The following NELL2 variants were observed in gnomAD, a reference collection of about 807,000 sequenced individuals.
NELL2 encodes protein kinase C-binding protein NELL2.
Under a neutral mutation model 109.6 loss-of-function variants are expected in NELL2, and 41 were observed. The observed-to-expected ratio is 0.37, with a 90% CI of 0.29 to 0.49. The LOEUF is 0.49. NELL2 is among the 20% of genes least tolerant of loss of function. The pLI is 0.98. For missense variants in NELL2, 900 were observed against 1,008.3 expected (o/e 0.89, Z 1.45); for synonymous variants, 355 against 344.7 (o/e 1.03, Z -0.33).
chr12:44,860,359 T>C (rs1053986543), intron 2 of NELL2, among the ~76,000 whole-genome samples: 7 of 152,244 alleles, frequency 4.6e-5, no homozygotes, highest in African/African-American at 1.7e-4. Context: ...ATTAGTTTTC[T>C]ATTTCTGCTG....
At chr12:44,783,953 A>G (rs1375974724) in intron 3 of NELL2, among the ~76,000 whole-genome samples, 3 of 152,104 alleles carry the variant, frequency 2.0e-5, no homozygotes, top group African/African-American at 7.2e-5. Flanking sequence ...ATTCAGCAAT[A>G]TATAAAAACA....
chr12:44,762,752 CCAA>C (rs1941178295), intron 9 of NELL2, among the ~76,000 whole-genome samples: 8 of 152,176 alleles, frequency 5.3e-5, no homozygotes, highest in Admixed American at 4.6e-4. Flanking sequence ...GAACTCAACT[CCAA>C]CATCTTTTTC....
chr12:44,575,206 A>T (rs1944030434), intron 15 of NELL2, among the ~76,000 whole-genome samples: 1 of 152,276 alleles, frequency 6.6e-6, no homozygotes, highest in South Asian at 2.1e-4. Flanking sequence ...TCAAAAATAA[A>T]TAGAAATTCG....
intron 12 of NELL2, among the ~76,000 whole-genome samples, chr12:44,666,868 A>G (rs1390143060): frequency 6.6e-6 from 1 of 152,118 alleles, no homozygotes; most frequent in East Asian, 1.9e-4. Flanking sequence ...CTGGCCACAT[A>G]GTTTCTAACC....
intron 13 of NELL2, among the ~76,000 whole-genome samples, chr12:44,657,503 T>TAA (rs1295480405): frequency 1.3e-5 from 2 of 152,178 alleles, no homozygotes; most frequent in Non-Finnish European, 2.9e-5. Context: ...AATTATACTT[T>TAA]AAGTTCTGGG....
At chr12:44,709,314 A>G (rs936490948) in intron 11 of NELL2, among the ~76,000 whole-genome samples, 1 of 152,162 alleles carries the variant, frequency 6.6e-6, no homozygotes, top group Non-Finnish European at 1.5e-5. Context: ...TCACCACTTA[A>G]GAAGTCTGAT....
chr12:44,598,021 C>T (rs1174974301), intron 15 of NELL2, among the ~76,000 whole-genome samples: 3 of 151,904 alleles, frequency 2.0e-5, no homozygotes, highest in Non-Finnish European at 2.9e-5. Context: ...TATAAGCTAC[C>T]CTCTCAAAAC....
Position 44,522,189 on chromosome 12 carries a change from GA to G in NELL2, c.1999-14del. 2.5e-6 allele frequency: 4 copies of G among 1,605,470 alleles called. No homozygotes were observed. Among genetic ancestry groups the G allele is most frequent in the African/African-American group, 2.7e-5 (2 of 74,220 alleles). ...TAACGAATCCATTCTGTATGAAAAA[GA>G]AAAAAAGCAGTTACCAAAAACCTCC... On this transcript the variant is annotated splice_polypyrimidine_tract_variant and intron_variant, in intron 17 of 19. Coordinates refer to ENST00000429094, the MANE Select transcript of NELL2 (RefSeq NM_001145108.2).
chr12:44,775,983 T>C, intron 8 of NELL2, 39 bp downstream of exon 8: 1 of 1,597,708 alleles, frequency 6.3e-7, no homozygotes, highest in Non-Finnish European at 8.5e-7. Flanking sequence ...AGTGGGAGCA[T>C]CTGAGTTCCC....
At chr12:44,863,520 T>TA (rs71093832) in intron 2 of NELL2, among the ~76,000 whole-genome samples, 123,722 of 150,296 alleles carry the variant, frequency 0.82, 51,043 homozygotes, top group Middle Eastern at 0.94. Context: ...GTAGAAGTAA[T>TA]AAAAAAAAAC....
At chr12:44,637,579 T>G (rs1020788711) in intron 13 of NELL2, among the ~76,000 whole-genome samples, 2 of 145,050 alleles carry the variant, frequency 1.4e-5, no homozygotes, top group African/African-American at 5.1e-5. Flanking sequence ...AAGTATGAGT[T>G]GCAATTAATC....
chr12:44,675,163 T>C (rs1419968058), intron 12 of NELL2, among the ~76,000 whole-genome samples: 3 of 152,188 alleles, frequency 2.0e-5, no homozygotes, highest in Non-Finnish European at 4.4e-5. Context: ...ATACAAGCCA[T>C]CCTGGTGAAA....
At chr12:44,842,806 C>T (rs1414801088) in intron 2 of NELL2, among the ~76,000 whole-genome samples, 2 of 151,206 alleles carry the variant, frequency 1.3e-5, no homozygotes, top group Admixed American at 6.6e-5. Context: ...TATGAACAAA[C>T]AGACACACAG....
intron 12 of NELL2, among the ~76,000 whole-genome samples, chr12:44,676,769 G>C (rs918648612): frequency 5.9e-5 from 9 of 152,088 alleles, no homozygotes; most frequent in Non-Finnish European, 1.2e-4. Context: ...AGGGTTGAGA[G>C]TGTATCATAA....
chr12:44,842,164 G>T (rs953554156), intron 2 of NELL2, among the ~76,000 whole-genome samples: 6 of 150,482 alleles, frequency 4.0e-5, no homozygotes, highest in Admixed American at 2.0e-4. Flanking sequence ...AGACGAAAGG[G>T]AAGGGAAGAA....
intron 1 of NELL2, among the ~76,000 whole-genome samples, chr12:44,882,129 G>T (rs565876277): frequency 6.6e-6 from 1 of 151,912 alleles, no homozygotes; most frequent in East Asian, 1.9e-4. Context: ...TATTGCTAAA[G>T]AAATTTCTTC....
chr12:44,878,582 C>T (rs1945375635), upstream of NELL2, among the ~76,000 whole-genome samples: 3 of 152,118 alleles, frequency 2.0e-5, no homozygotes, highest in South Asian at 6.2e-4. Flanking sequence ...TCCATTTTAT[C>T]TATGTGTTCT....
At chr12:44,829,134 G>T (rs1419715428) in intron 2 of NELL2, among the ~76,000 whole-genome samples, 2 of 151,918 alleles carry the variant, frequency 1.3e-5, no homozygotes, top group African/African-American at 4.8e-5. Context: ...TCCTCTAACT[G>T]CAGTACTGCT....
At chr12:44,551,917 G>A (rs1259122592) in intron 15 of NELL2, among the ~76,000 whole-genome samples, 1 of 152,124 alleles carries the variant, frequency 6.6e-6, no homozygotes, top group Non-Finnish European at 1.5e-5. Flanking sequence ...AATCCCCTCA[G>A]AGAACATGAA....
Sources: gnomAD v4.1 joint callset for allele counts (sites outside exome capture counted in the v4.1 genomes callset) on GRCh38, gnomAD v4.1.1 for gene constraint, MANE v1.5 for transcripts, NCBI Gene and HGNC (gene_info 2026-07-23, HGNC 2026-07-21) for gene names.